The following PCDHGA11 variants were observed in gnomAD, a reference collection of about 807,000 sequenced individuals.
PCDHGA11 encodes the protein protocadherin gamma subfamily A, 11.
In PCDHGA11, 39 loss-of-function variants were observed where a neutral mutation model predicts 60.4. The observed-to-expected ratio is 0.65, with a 90% CI of 0.50 to 0.84. The LOEUF (loss-of-function observed/expected upper bound fraction) is 0.84. PCDHGA11 is among the 40% of genes least tolerant of loss of function. The probability of loss-of-function intolerance (pLI) is 0.00; values close to 1 mark genes in which losing one functional copy is unlikely to be tolerated. For synonymous variants in PCDHGA11, 533 were observed against 510.3 expected, an observed-to-expected ratio of 1.04 and a Z score of -0.60; for missense variants, 1,165 against 1,197.7, an observed-to-expected ratio of 0.97 and a Z score of 0.40.
intron 1 of PCDHGA11, among the ~76,000 whole-genome samples, chr5:141,439,371 TA>T (rs1008614540): frequency 7.2e-5 from 11 of 152,034 alleles, no homozygotes; most frequent in Non-Finnish European, 1.0e-4. Flanking sequence ...CAAGAAGAAA[TA>T]AAAATAAGTC....
At chr5:141,454,824 T>C (rs1231148585) in intron 1 of PCDHGA11, among the ~76,000 whole-genome samples, 1 of 127,218 alleles carries the variant, frequency 7.9e-6, no homozygotes, top group African/African-American at 3.3e-5. Flanking sequence ...TTTTTTTTTT[T>C]TGAGACAGAG....
Position 141,511,983 on chromosome 5 carries a change from G to C in PCDHGA11, c.*810G>C, listed in dbSNP as rs904146751. On this transcript the variant is annotated 3_prime_UTR_variant, in exon 4 of 4. Coordinates refer to ENST00000398587, the MANE Select transcript of PCDHGA11 (RefSeq NM_018914.3). ...AGGGAAGTGTGTGGATGTGGATGGT[G>C]GGGGCATGGACAAAGCTTGACACAT... 6.5e-6 allele frequency: 1 copy of C among 153,280 alleles called. No individual in the cohort carries two copies. The allele number at this position is 153,280 out of a possible 1,614,324, so 9.5% of individuals were successfully genotyped here.
At chr5:141,426,432 C>T (rs1239073805) in intron 1 of PCDHGA11, 2 of 295,812 alleles carry the variant, frequency 6.8e-6, no homozygotes, top group African/African-American at 2.2e-5. Flanking sequence ...TGGTGGGGAA[C>T]CTTGCGGAGG....
intron 1 of PCDHGA11, among the ~76,000 whole-genome samples, chr5:141,466,921 AG>A (rs2099132133): frequency 6.6e-6 from 1 of 152,204 alleles, no homozygotes; most frequent in African/African-American, 2.4e-5. Context: ...TCCTTGTATT[AG>A]GAATATTAGT....
chr5:141,505,468 G>A lies in PCDHGA11; in HGVS notation c.2568G>A (p.Leu856=). 1 of 1,614,212 alleles carries A rather than the reference G, an allele frequency of 6.2e-7. No homozygotes were observed. Among genetic ancestry groups the A allele is most frequent in the Non-Finnish European group, 8.5e-7 (1 of 1,180,020 alleles). The change falls in exon 3 of 4, where the codon TTG becomes TTA. Residue 856 remains leucine (L), a synonymous_variant. Coordinates refer to ENST00000398587, the MANE Select transcript of PCDHGA11 (RefSeq NM_018914.3). The stretch of plus-strand genomic sequence containing the variant: ...CAGAGATGCTGCAAGCCATGATCTT[G>A]GCGTCCGCCAGTGGTAAGTGGTGTC... The part of the protein sequence containing the change: ...FDTEMLQAMI[L]ASASEAADGS...
chr5:141,473,235 C>T (rs1322325327), intron 1 of PCDHGA11, among the ~76,000 whole-genome samples: 1 of 152,132 alleles, frequency 6.6e-6, no homozygotes, highest in Non-Finnish European at 1.5e-5. Flanking sequence ...TGGATCCACA[C>T]AAGTGAATAC....
In PCDHGA11 at chr5:141,449,878, A is replaced by G. The variant is rs536474516; in HGVS notation, c.2433+26218A>G. On this transcript the variant is annotated intron_variant, in intron 1 of 3. Transcript: ENST00000398587. ...ATAAAAATCAGAAAATTTAACATCA[A>G]TGCAATATAATTATTTAGCCTATAG... 6.6e-4 allele frequency among the ~76,000 whole-genome samples: 100 copies of G among 152,050 alleles called. 1 individual carries two copies. The highest frequency in any genetic ancestry group is 2.4e-3 in the African/African-American group (99 of 41,574).
intron 1 of PCDHGA11, chr5:141,428,113 T>A: frequency 6.2e-7 from 1 of 1,607,492 alleles, no homozygotes; most frequent in Non-Finnish European, 8.5e-7. Flanking sequence ...CTGCAGGCCA[T>A]CGAGCCCGGG....
intron 1 of PCDHGA11, among the ~76,000 whole-genome samples, chr5:141,488,225 T>G (rs2099673126): frequency 6.6e-6 from 1 of 152,136 alleles, no homozygotes. Flanking sequence ...CTACTGGGGA[T>G]TTGAACTAGA....
chr5:141,465,997 C>T (rs1344380021), intron 1 of PCDHGA11, among the ~76,000 whole-genome samples: 1 of 151,918 alleles, frequency 6.6e-6, no homozygotes, highest in Non-Finnish European at 1.5e-5. Context: ...TGGCAGGCAC[C>T]TGTAGTCCCA....
chr5:141,490,288 G>A lies in PCDHGA11; in HGVS notation c.2434-4519G>A. On this transcript the variant is annotated intron_variant, in intron 1 of 3. Coordinates refer to ENST00000398587, the MANE Select transcript of PCDHGA11 (RefSeq NM_018914.3). The surrounding 1 kb of genome is among the most constrained non-coding windows in gnomAD (Gnocchi z 5.4). ...GGATGTCAATGACAATGCCCCAGAG[G>A]TGCTATTGGCCTCTTTGGCCAACCC... The A allele has an allele frequency of 3.7e-6, 6 of 1,614,198 alleles. No individual in the cohort carries two copies. The highest frequency in any genetic ancestry group is 5.1e-6 in the Non-Finnish European group (6 of 1,180,042).
At chr5:141,435,180 C>G (rs1341148119) in intron 1 of PCDHGA11, among the ~76,000 whole-genome samples, 1 of 152,074 alleles carries the variant, frequency 6.6e-6, no homozygotes, top group African/African-American at 2.4e-5. Context: ...TTTAACTACA[C>G]TTGAGATGGC....
chr5:141,459,300 A>T (rs954766370), intron 1 of PCDHGA11, among the ~76,000 whole-genome samples: 1 of 152,202 alleles, frequency 6.6e-6, no homozygotes, highest in Non-Finnish European at 1.5e-5. Flanking sequence ...ATCCTATAAC[A>T]TATACTATTT....
chr5:141,482,609 A>G (rs2099569274), intron 1 of PCDHGA11, among the ~76,000 whole-genome samples: 1 of 151,770 alleles, frequency 6.6e-6, no homozygotes, highest in African/African-American at 2.4e-5. Context: ...AAACACCTAA[A>G]TGAGCCTGGA....
chr5:141,490,726 AATCAGG>A lies in PCDHGA11; in HGVS notation c.2434-4080_2434-4075del. The A allele has an allele frequency of 6.2e-7, 1 of 1,614,202 alleles. No homozygotes were observed. The highest frequency in any genetic ancestry group is 8.5e-7 in the Non-Finnish European group (1 of 1,180,032). On this transcript the variant is annotated intron_variant, in intron 1 of 3. Transcript: ENST00000398587. This position sits in a 1 kb window ranked among gnomAD's most constrained non-coding sequence, Gnocchi z 5.4. Reference sequence around the variant, plus strand: ...CCGCCTCACCTACTCCATTGTAGGAAATCAGGTTCAGGGAGCCCCAGCCTCCTCCTT... The same window carrying A: ...CCGCCTCACCTACTCCATTGTAGGAATTCAGGGAGCCCCAGCCTCCTCCTT...
chr5:141,444,472 C>A (rs559334960), intron 1 of PCDHGA11, among the ~76,000 whole-genome samples: 2 of 151,850 alleles, frequency 1.3e-5, no homozygotes, highest in Non-Finnish European at 2.9e-5. Context: ...CGCCCGGTCG[C>A]GTACTGGATT....
At chr5:141,452,377 A>G (rs2098740152) in intron 1 of PCDHGA11, among the ~76,000 whole-genome samples, 1 of 152,222 alleles carries the variant, frequency 6.6e-6, no homozygotes, top group African/African-American at 2.4e-5. Flanking sequence ...TTAGTAGGGA[A>G]TAGTATTTAG....
In PCDHGA11 at chr5:141,487,930, G is replaced by T; in HGVS notation, c.2434-6877G>T. On this transcript the variant is annotated intron_variant, in intron 1 of 3. Coordinates refer to ENST00000398587, the MANE Select transcript of PCDHGA11 (RefSeq NM_018914.3). This position sits in a 1 kb window ranked among gnomAD's most constrained non-coding sequence, Gnocchi z 5.0. Reference sequence around the variant, plus strand: ...GAGCACAGGAGGCTACAGTGCACAGGGTACAGTGCACCAGGCAGTCACTTG... The same window carrying T: ...GAGCACAGGAGGCTACAGTGCACAGTGTACAGTGCACCAGGCAGTCACTTG... 2 of 613,220 alleles carry T rather than the reference G, an allele frequency of 3.3e-6. No homozygotes were observed. Among genetic ancestry groups the T allele is most frequent in the African/African-American group, 1.8e-5 (1 of 54,186 alleles). 38.0% of individuals were successfully genotyped at this position (613,220 alleles called of 1,614,324 possible).
intron 1 of PCDHGA11, among the ~76,000 whole-genome samples, chr5:141,454,209 T>A (rs2098783885): frequency 6.6e-6 from 1 of 152,088 alleles, no homozygotes; most frequent in South Asian, 2.1e-4. Flanking sequence ...TTTATTGACA[T>A]GAATGAGAAA....
Sources: allele counts gnomAD v4.1 joint callset (sites outside exome capture counted in the v4.1 genomes callset), GRCh38; gene constraint gnomAD v4.1.1; non-coding constraint Gnocchi (gnomAD v3.1); transcripts MANE v1.5; gene names NCBI Gene and HGNC (gene_info 2026-07-23, HGNC 2026-07-21).